GRIN2B: variants seen among roughly 807,000 people sequenced by gnomAD.
GRIN2B encodes the protein glutamate receptor ionotropic, NMDA 2B.
GRIN2B carries 5 observed loss-of-function variants against 114.5 expected under a neutral mutation model. The observed-to-expected ratio is 0.04, with a 90% CI of 0.02 to 0.09. GRIN2B has a LOEUF of 0.09. Ranked by LOEUF, GRIN2B falls within the 10% of genes least tolerant of loss-of-function variation. The probability of loss-of-function intolerance (pLI) is 1.00; values close to 1 mark genes in which losing one functional copy is unlikely to be tolerated. For synonymous variants in GRIN2B, 787 were observed against 745.1 expected (o/e 1.06, Z -0.92); for missense variants, 1,108 against 1,943.5 (o/e 0.57, Z 8.08).
rs1489257279 is a variant in GRIN2B, at chr12:13,561,484, G to A, written c.*1299C>T. ...CTGTAGCAGTTGTAATCAGTTTTGG[G>A]GGGAAGAAGCCTGCTCGTCTAGCTT... On this transcript the variant is annotated 3_prime_UTR_variant, in exon 14 of 14. Coordinates refer to ENST00000609686, the MANE Select transcript of GRIN2B (RefSeq NM_000834.5). 2 of 152,522 alleles carry A rather than the reference G, an allele frequency of 1.3e-5. No individual in the cohort carries two copies. The highest frequency in any genetic ancestry group is 2.9e-5 in the Non-Finnish European group (2 of 68,026). The allele number at this position is 152,522 out of a possible 1,614,324, so 9.4% of individuals were successfully genotyped here.
intron 5 of GRIN2B, among the ~76,000 whole-genome samples, chr12:13,656,769 C>T (rs371724539): frequency 2.0e-5 from 3 of 152,170 alleles, no homozygotes; most frequent in Admixed American, 6.5e-5. Context: ...ACTAAAAATA[C>T]GCCATAGTCA....
chr12:13,895,086 A>C (rs1234499652), intron 2 of GRIN2B, among the ~76,000 whole-genome samples: 2 of 152,132 alleles, frequency 1.3e-5, no homozygotes, highest in Non-Finnish European at 2.9e-5. Context: ...ACATTGTGTA[A>C]ATATATATGC....
At chr12:13,570,693 T>C (rs900642367) in intron 11 of GRIN2B, among the ~76,000 whole-genome samples, 1 of 152,046 alleles carries the variant, frequency 6.6e-6, no homozygotes, top group Admixed American at 6.5e-5. Context: ...AAGGCAGAAA[T>C]ACATAAAAAA....
chr12:13,850,556 A>C (rs1223214195), intron 3 of GRIN2B, among the ~76,000 whole-genome samples: 2 of 152,064 alleles, frequency 1.3e-5, no homozygotes, highest in East Asian at 3.9e-4. Context: ...TTCTTCTCTA[A>C]TTCTCTTTCC....
At chr12:13,607,166 A>T (rs1278022081) in intron 10 of GRIN2B, among the ~76,000 whole-genome samples, 1 of 123,864 alleles carries the variant, frequency 8.1e-6, no homozygotes, top group Non-Finnish European at 1.6e-5. Flanking sequence ...ATATATATAT[A>T]AAAAATATAT....
At chr12:13,978,601 A>AT (rs1217617092) in intron 2 of GRIN2B, among the ~76,000 whole-genome samples, 9 of 152,074 alleles carry the variant, frequency 5.9e-5, no homozygotes, top group Non-Finnish European at 1.0e-4. Flanking sequence ...AGAAAAAAAA[A>AT]TTGTGTGTGT....
chr12:13,584,250 C>A (rs568298423), intron 10 of GRIN2B, among the ~76,000 whole-genome samples: 1 of 152,170 alleles, frequency 6.6e-6, no homozygotes, highest in South Asian at 2.1e-4. Flanking sequence ...TGGATATCCA[C>A]ATATATTGAT....
At chr12:13,931,711 T>C (rs1867035001) in intron 2 of GRIN2B, among the ~76,000 whole-genome samples, 1 of 152,228 alleles carries the variant, frequency 6.6e-6, no homozygotes, top group African/African-American at 2.4e-5. Context: ...CAACGTTGCC[T>C]CTCCCTAAGT....
chr12:13,789,584 A>G (rs1245027264), intron 3 of GRIN2B, among the ~76,000 whole-genome samples: 1 of 152,192 alleles, frequency 6.6e-6, no homozygotes, highest in Non-Finnish European at 1.5e-5. Flanking sequence ...TTATCTAAGC[A>G]CTACTAGCCT....
chr12:13,759,140 T>C (rs980006394), intron 3 of GRIN2B, among the ~76,000 whole-genome samples: 23 of 151,262 alleles, frequency 1.5e-4, no homozygotes, highest in Admixed American at 1.4e-3. Flanking sequence ...CCCGAGTAGC[T>C]GGGACTACAG....
At chr12:13,791,433 C>A (rs1241203171) in intron 3 of GRIN2B, among the ~76,000 whole-genome samples, 1 of 143,046 alleles carries the variant, frequency 7.0e-6, no homozygotes, top group Non-Finnish European at 1.5e-5. Context: ...GCCTGGGTGA[C>A]AGAGCGAGAC....
chr12:13,927,730 G>C (rs1338800213), intron 2 of GRIN2B, among the ~76,000 whole-genome samples: 18 of 151,756 alleles, frequency 1.2e-4, no homozygotes, highest in Non-Finnish European at 2.6e-4. Flanking sequence ...GAGGTGGGAG[G>C]ATCGCTTGAG....
chr12:13,718,289 C>T (rs1384368668), intron 4 of GRIN2B, among the ~76,000 whole-genome samples: 1 of 152,068 alleles, frequency 6.6e-6, no homozygotes, highest in Non-Finnish European at 1.5e-5. Flanking sequence ...TCCTCTTCCT[C>T]CTTTTCCCTC....
intron 3 of GRIN2B, among the ~76,000 whole-genome samples, chr12:13,794,281 T>G (rs1331260667): frequency 6.9e-6 from 1 of 145,094 alleles, no homozygotes; most frequent in Non-Finnish European, 1.5e-5. Context: ...ATAAGAAAAG[T>G]TAAAGCAAAG....
chr12:13,779,457 A>G (rs566681786), intron 3 of GRIN2B, among the ~76,000 whole-genome samples: 1 of 152,226 alleles, frequency 6.6e-6, no homozygotes, highest in Non-Finnish European at 1.5e-5. Flanking sequence ...CAGAAATATA[A>G]TGCAAGCCAC....
At chr12:13,691,207 C>T (rs1407585661) in intron 4 of GRIN2B, among the ~76,000 whole-genome samples, 2 of 152,180 alleles carry the variant, frequency 1.3e-5, no homozygotes, top group Non-Finnish European at 2.9e-5. Flanking sequence ...AAGATCTTCT[C>T]TACATTTGGC....
intron 4 of GRIN2B, among the ~76,000 whole-genome samples, chr12:13,694,660 T>TATATATAC (rs1950244030): frequency 2.7e-5 from 1 of 37,524 alleles, no homozygotes; most frequent in Non-Finnish European, 6.4e-5. Flanking sequence ...AAATGTCATA[T>TATATATAC]ATATATATAT....
At chr12:13,811,129 C>T (rs1864720606) in intron 3 of GRIN2B, among the ~76,000 whole-genome samples, 3 of 152,216 alleles carry the variant, frequency 2.0e-5, no homozygotes, top group Admixed American at 2.0e-4. Flanking sequence ...GGACATCAGG[C>T]ATTTATAAGT....
At chr12:13,570,542 C>G (rs1467026348) in intron 11 of GRIN2B, among the ~76,000 whole-genome samples, 1 of 152,012 alleles carries the variant, frequency 6.6e-6, no homozygotes, top group Non-Finnish European at 1.5e-5. Flanking sequence ...GAGGTGGTGG[C>G]AGTACAGGCT....
Sources: allele counts gnomAD v4.1 joint callset (sites outside exome capture counted in the v4.1 genomes callset), GRCh38; gene constraint gnomAD v4.1.1; transcripts MANE v1.5; gene names NCBI Gene and HGNC (gene_info 2026-07-23, HGNC 2026-07-21).